The following GRAMD2A variants were observed in gnomAD, a reference collection of about 807,000 sequenced individuals.
The protein encoded by GRAMD2A is GRAM domain containing 2A.
Under a neutral mutation model 51.1 loss-of-function variants are expected in GRAMD2A, and 37 were observed. That is an observed-to-expected ratio of 0.72 (90% CI 0.56 to 0.95). The LOEUF is 0.95. GRAMD2A is among the 40% of genes least tolerant of loss of function. The probability of loss-of-function intolerance (pLI) is 0.00; values close to 1 mark genes in which losing one functional copy is unlikely to be tolerated. For missense variants in GRAMD2A, 414 were observed against 426.9 expected (o/e 0.97, Z 0.27); for synonymous variants, 136 against 157.1 (o/e 0.87, Z 1.01).
In GRAMD2A at chr15:72,165,380, C is replaced by G. The variant is rs765417298; in HGVS notation, c.574G>C (p.Glu192Gln). 3 of 1,614,124 alleles carry G rather than the reference C, an allele frequency of 1.9e-6. No individual in the cohort carries two copies. The East Asian group carries it at 6.7e-5, about 36-fold the overall frequency. The change falls in exon 8 of 12, where the codon GAA becomes CAA. Residue 192 changes from glutamate to glutamine, a missense_variant. By Grantham distance (29) the Glu-to-Gln change is conservative. Coordinates refer to ENST00000309731, the MANE Select transcript of GRAMD2A (RefSeq NM_001012642.3). Reference sequence around the variant, plus strand: ...AGAGACTCAGGTTCCCCTGAAAATTCTCTTACACTCAGACTCTTCTTGCTG... The same window carrying G: ...AGAGACTCAGGTTCCCCTGAAAATTGTCTTACACTCAGACTCTTCTTGCTG... ...PSSKKSLSVREFSGEPESLEV... is the reference protein window; with the variant it reads ...PSSKKSLSVRQFSGEPESLEV...
At chr15:72,178,041 A>G (rs1191005619) in intron 1 of GRAMD2A, among the ~76,000 whole-genome samples, 1 of 152,290 alleles carries the variant, frequency 6.6e-6, no homozygotes, top group East Asian at 1.9e-4. Flanking sequence ...TTTAGCTTTT[A>G]AAGGCTCCCA....
intron 1 of GRAMD2A, chr15:72,173,999 A>G (rs1256153054): frequency 6.7e-6 from 1 of 148,500 alleles, no homozygotes; most frequent in African/African-American, 2.5e-5. Flanking sequence ...GTTGCAAGCC[A>G]TTCCTTTCTG....
intron 4 of GRAMD2A, 44 bp downstream of exon 4, chr15:72,168,447 A>C (rs1320495003): frequency 1.4e-6 from 2 of 1,460,270 alleles, no homozygotes; most frequent in Non-Finnish European, 9.6e-7. Context: ...CCCTGGCCCC[A>C]GGCACTCTGG....
chr15:72,177,846 G>A lies in GRAMD2A; in HGVS notation c.42-7907C>T, dbSNP rs1229004046. On this transcript the variant is annotated intron_variant, in intron 1 of 11. Transcript: ENST00000309731. ...AGGTTCAAGAGATTCTCATGTATCA[G>A]CCCCCTGAGTAGCTGGGATTACAGG... Among the ~76,000 whole-genome samples, 5 of 152,304 alleles carry A rather than the reference G, an allele frequency of 3.3e-5. No homozygotes were observed. In the East Asian group the frequency reaches 9.7e-4, roughly 29 times the overall value.
In GRAMD2A at chr15:72,166,542, G is replaced by A. The variant is rs1465202915; in HGVS notation, c.543+90C>T. 1.1e-6 allele frequency: 1 copy of A among 913,826 alleles called. No homozygotes were observed. Among genetic ancestry groups the A allele is most frequent in the African/African-American group, 1.6e-5 (1 of 61,610 alleles). The allele number at this position is 913,826 out of a possible 1,614,324, so 56.6% of individuals were successfully genotyped here. ...TCCCTGCCCCATTCCCTGTGCTGGA[G>A]AGATGGGCGACCTCCCCCAACACCC... On this transcript the variant is annotated intron_variant, in intron 7 of 11. Coordinates refer to ENST00000309731, the MANE Select transcript of GRAMD2A (RefSeq NM_001012642.3). The surrounding 1 kb of genome is among the most constrained non-coding windows in gnomAD (Gnocchi z 4.1).
chr15:72,197,640 G>C, intron 1 of GRAMD2A, 91 bp downstream of exon 1: 1 of 1,047,736 alleles, frequency 9.5e-7, no homozygotes, highest in Non-Finnish European at 1.2e-6. Flanking sequence ...AGTTGCCGCG[G>C]CCCCAGGAGC....
intron 1 of GRAMD2A, among the ~76,000 whole-genome samples, chr15:72,194,625 C>T (rs557673041): frequency 2.6e-5 from 4 of 152,036 alleles, no homozygotes; most frequent in Admixed American, 6.6e-5. Flanking sequence ...CCTATGATGA[C>T]GCTTTAGCTG....
At chr15:72,193,497 C>A (rs905809895) in intron 1 of GRAMD2A, among the ~76,000 whole-genome samples, 16 of 147,774 alleles carry the variant, frequency 1.1e-4, no homozygotes, top group African/African-American at 4.0e-4. Flanking sequence ...GGATTACAGG[C>A]GTGAGCCACC....
At chr15:72,191,330 G>A (rs1031161047) in intron 1 of GRAMD2A, among the ~76,000 whole-genome samples, 9 of 152,072 alleles carry the variant, frequency 5.9e-5, no homozygotes, top group African/African-American at 1.9e-4. Flanking sequence ...CTCCTGAGTA[G>A]CTGGGATTAC....
intron 1 of GRAMD2A, among the ~76,000 whole-genome samples, chr15:72,174,632 T>C (rs924212117): frequency 2.0e-5 from 3 of 152,156 alleles, no homozygotes; most frequent in Non-Finnish European, 4.4e-5. Context: ...TGGCTGAGCA[T>C]GGTCTGAAGG....
chr15:72,182,622 A>T (rs1003390325), intron 1 of GRAMD2A, among the ~76,000 whole-genome samples: 8 of 152,214 alleles, frequency 5.3e-5, no homozygotes, highest in Admixed American at 3.9e-4. Context: ...TCTGATAAGG[A>T]TTTAGTATCC....
intron 1 of GRAMD2A, among the ~76,000 whole-genome samples, chr15:72,193,126 C>A: frequency 6.6e-6 from 1 of 150,430 alleles, no homozygotes; most frequent in Admixed American, 6.6e-5. Context: ...CAGTTCGTCT[C>A]AAAAATAAAT....
Position 72,163,386 on chromosome 15 carries a change from G to A in GRAMD2A, c.836C>T (p.Pro279Leu), listed in dbSNP as rs143207569. The change falls in exon 10 of 12, where the codon CCG (proline) becomes CTG (leucine). Residue 279 changes from proline to leucine, a missense_variant. Physicochemically the swap from Pro to Leu is moderately conservative, Grantham distance 98 (BLOSUM62 -3). Coordinates refer to ENST00000309731, the MANE Select transcript of GRAMD2A (RefSeq NM_001012642.3). ...GWGPACPKKM[P>L]NCSPTAKNAV... ...ATTCTTTGCAGTGGGAGAGCAGTTC[G>A]GCATCTTCTTAGGGCAGGCAGGACC... 126 of 1,614,088 alleles carry A rather than the reference G, an allele frequency of 7.8e-5. No individual in the cohort carries two copies. In the African/African-American group the frequency reaches 1.3e-3, roughly 16 times the overall value.
intron 1 of GRAMD2A, among the ~76,000 whole-genome samples, chr15:72,193,948 G>A (rs1467100937): frequency 1.2e-4 from 18 of 152,346 alleles, no homozygotes; most frequent in African/African-American, 2.9e-4. Context: ...GCCGGAGCAC[G>A]CAGGTGCACC....
rs570499797 is a variant in GRAMD2A, at chr15:72,162,266, G to C, written c.1061+7C>G. ...ATCAAAGGCATTAGAAAGAGAAAAG[G>C]CCTCACCTGTGCCCAGGGACTGGGT... On this transcript the variant is annotated splice_region_variant and intron_variant, in intron 11 of 11. Coordinates refer to ENST00000309731, the MANE Select transcript of GRAMD2A (RefSeq NM_001012642.3). 17 of 1,597,080 alleles carry C rather than the reference G, an allele frequency of 1.1e-5. 1 individual carries two copies. The South Asian group carries it at 1.7e-4, about 16-fold the overall frequency.
intron 7 of GRAMD2A, among the ~76,000 whole-genome samples, chr15:72,165,688 G>A (rs767342190): frequency 3.3e-5 from 5 of 151,530 alleles, no homozygotes; most frequent in South Asian, 2.1e-4. Context: ...GCAGCTACGC[G>A]CTCCTATCTG....
At chr15:72,169,209 A>G (rs1248800462) in intron 2 of GRAMD2A, 4 of 590,934 alleles carry the variant, frequency 6.8e-6, no homozygotes, top group Non-Finnish European at 9.1e-6. Context: ...CGGGAGGTAG[A>G]GAGGGGTCGC....
At chr15:72,192,525 G>A (rs1420860276) in intron 1 of GRAMD2A, among the ~76,000 whole-genome samples, 3 of 152,086 alleles carry the variant, frequency 2.0e-5, no homozygotes, top group African/African-American at 4.8e-5. Flanking sequence ...TCCTACAGAA[G>A]AGAGAAAAAA....
At position 72,197,758 on chromosome 15, in the gene GRAMD2A, C is replaced by G; in HGVS notation, c.14G>C (p.Ser5Thr). MTAL[S>T]RSEATEEGGN... The stretch of plus-strand genomic sequence containing the variant: ...GCCCTCCTCGGTGGCCTCGCTCCGG[C>G]TTAAAGCGGTCATCCCGGCGCCTGC... The change falls in exon 1 of 12, where the codon AGC becomes ACC. Residue 5 changes from serine (S) to threonine (T), a missense_variant. By Grantham distance (58) the Ser-to-Thr change is moderately conservative (BLOSUM62 1). Coordinates refer to ENST00000309731, the MANE Select transcript of GRAMD2A (RefSeq NM_001012642.3). 7.5e-7 allele frequency: 1 copy of G among 1,326,130 alleles called. No homozygotes were observed. The highest frequency in any genetic ancestry group is 9.7e-7 in the Non-Finnish European group (1 of 1,030,340). 82.1% of individuals were successfully genotyped at this position (1,326,130 alleles called of 1,614,324 possible).
Sources: gnomAD v4.1 joint callset for allele counts (sites outside exome capture counted in the v4.1 genomes callset) on GRCh38, gnomAD v4.1.1 for gene constraint, Gnocchi (gnomAD v3.1) non-coding constraint, MANE v1.5 for transcripts, NCBI Gene and HGNC (gene_info 2026-07-23, HGNC 2026-07-21) for gene names.